The following SHROOM3 variants were observed in gnomAD, a reference collection of about 807,000 sequenced individuals.
The protein encoded by SHROOM3 is shroom family member 3.
A neutral mutation model predicts 138.6 loss-of-function variants in SHROOM3; 47 were observed. The observed-to-expected ratio is 0.34, with a 90% CI of 0.27 to 0.43. The LOEUF is 0.43. Ranked by LOEUF, SHROOM3 falls within the 20% of genes least tolerant of loss-of-function variation. The pLI, the probability that SHROOM3 is intolerant of heterozygous loss-of-function variation, is 1.00. For missense variants in SHROOM3, 2,491 were observed against 2,596.5 expected, an observed-to-expected ratio of 0.96 and a Z score of 0.88; for synonymous variants, 1,062 against 1,063.3, an observed-to-expected ratio of 1.00 and a Z score of 0.02.
In SHROOM3 at chr4:76,711,160, G is replaced by C. The variant is rs571074607; in HGVS notation, c.455+873G>C. 5.3e-4 allele frequency among the ~76,000 whole-genome samples: 81 copies of C among 152,238 alleles called. 2 individuals carry two copies. The South Asian group carries it at 0.016, about 29-fold the overall frequency. Reference sequence around the variant, plus strand: ...TAGTATGATACGGGGAGTAAGATGGGGTTTGTGCAGTGTCAGACTACCTAA... The same window carrying C: ...TAGTATGATACGGGGAGTAAGATGGCGTTTGTGCAGTGTCAGACTACCTAA... On this transcript the variant is annotated intron_variant, in intron 3 of 10. Transcript: ENST00000296043.
At chr4:76,441,267 G>GTCTCTAC (rs1730673265) in intron 1 of SHROOM3, among the ~76,000 whole-genome samples, 2 of 151,720 alleles carry the variant, frequency 1.3e-5, no homozygotes, top group African/African-American at 2.4e-5. Flanking sequence ...CTAATTTTTT[G>GTCTCTAC]TATTTTTAGT....
At chr4:76,657,733 C>T (rs907288494) in intron 2 of SHROOM3, among the ~76,000 whole-genome samples, 1 of 152,192 alleles carries the variant, frequency 6.6e-6, no homozygotes, top group Non-Finnish European at 1.5e-5. Flanking sequence ...CTTCTCTGCT[C>T]TGTGACTGTT....
At chr4:76,651,305 A>C (rs933521354) in intron 2 of SHROOM3, among the ~76,000 whole-genome samples, 2 of 151,098 alleles carry the variant, frequency 1.3e-5, no homozygotes, top group African/African-American at 4.9e-5. Flanking sequence ...TTTGTAATTC[A>C]AAGGAAAGAT....
intron 1 of SHROOM3, among the ~76,000 whole-genome samples, chr4:76,485,574 T>C (rs1731712403): frequency 6.6e-6 from 1 of 152,152 alleles, no homozygotes; most frequent in Non-Finnish European, 1.5e-5. Flanking sequence ...GAGGGTGAAG[T>C]TAGCTTTGGC....
At chr4:76,589,371 G>T (rs1734216190) in intron 2 of SHROOM3, among the ~76,000 whole-genome samples, 1 of 152,080 alleles carries the variant, frequency 6.6e-6, no homozygotes, top group African/African-American at 2.4e-5. Flanking sequence ...GGAGGCTGAG[G>T]CAGGAGAATC....
Position 76,739,091 on chromosome 4 carries a change from T to C in SHROOM3, c.918T>C (p.Tyr306=), listed in dbSNP as rs201586601. The C allele has an allele frequency of 1.2e-6, 2 of 1,614,230 alleles. No individual in the cohort carries two copies. The highest frequency in any genetic ancestry group is 1.7e-6 in the Non-Finnish European group (2 of 1,180,040). ...LEGMRQADIR[Y]VKTVYDTRRG... ...GGATGAGGCAGGCAGATATTCGCTA[T>C]GTCAAGACAGTCTATGACACCCGGA... Residue 306 remains tyrosine, a synonymous_variant, in exon 5 of 11, where the codon TAT becomes TAC. Coordinates refer to ENST00000296043, the MANE Select transcript of SHROOM3 (RefSeq NM_020859.4).
intron 1 of SHROOM3, among the ~76,000 whole-genome samples, chr4:76,480,554 C>A (rs1221077862): frequency 2.0e-5 from 3 of 152,078 alleles, no homozygotes. Flanking sequence ...CTTTAACACC[C>A]CACTGTCAAT....
chr4:76,708,027 G>A (rs1385747475), intron 2 of SHROOM3, among the ~76,000 whole-genome samples: 1 of 152,060 alleles, frequency 6.6e-6, no homozygotes, highest in African/African-American at 2.4e-5. Context: ...AGGTTAGCCT[G>A]GAGGTTGCAA....
intron 9 of SHROOM3, among the ~76,000 whole-genome samples, chr4:76,763,922 T>C (rs892129247): frequency 2.6e-5 from 4 of 152,210 alleles, no homozygotes; most frequent in Admixed American, 2.0e-4. Flanking sequence ...TTTCTAATGA[T>C]GGTTTAGAAA....
At position 76,741,232 on chromosome 4, in the gene SHROOM3, A is replaced by G; in HGVS notation, c.3059A>G (p.Tyr1020Cys). The change falls in exon 5 of 11, where the codon TAC (tyrosine) becomes TGC (cysteine). Residue 1020 changes from tyrosine (Y) to cysteine (C), a missense_variant. Tyr to Cys is a radical substitution (Grantham distance 194). Coordinates refer to ENST00000296043, the MANE Select transcript of SHROOM3 (RefSeq NM_020859.4). This position sits in a 1 kb window ranked among gnomAD's most constrained non-coding sequence, Gnocchi z 6.2. Reference sequence around the variant, plus strand: ...ACTCCCGAGCAGAAGAAGCGCTCCTACTCGGAGCCCGAGAAGATGAACGAG... The same window carrying G: ...ACTCCCGAGCAGAAGAAGCGCTCCTGCTCGGAGCCCGAGAAGATGAACGAG... ...RLTPEQKKRS[Y>C]SEPEKMNEVG... is the part of the protein sequence containing the mutation. 1 of 1,610,946 alleles carries G rather than the reference A, an allele frequency of 6.2e-7. No homozygotes were observed. Among genetic ancestry groups the G allele is most frequent in the Non-Finnish European group, 8.5e-7 (1 of 1,179,254 alleles).
intron 8 of SHROOM3, among the ~76,000 whole-genome samples, chr4:76,759,281 C>T (rs1721918748): frequency 6.6e-6 from 1 of 152,194 alleles, no homozygotes. Flanking sequence ...ATGTCTTCTC[C>T]AGAGTCAGCT....
chr4:76,438,132 A>G (rs963191191), intron 1 of SHROOM3, among the ~76,000 whole-genome samples: 2 of 152,232 alleles, frequency 1.3e-5, no homozygotes, highest in Non-Finnish European at 2.9e-5. Context: ...GCTGCTGTAA[A>G]AAGATCCAAA....
intron 6 of SHROOM3, among the ~76,000 whole-genome samples, chr4:76,753,684 T>A (rs1721706008): frequency 6.6e-6 from 1 of 152,234 alleles, no homozygotes; most frequent in African/African-American, 2.4e-5. Context: ...AATCACCATG[T>A]ACTATATTTG....
intron 2 of SHROOM3, among the ~76,000 whole-genome samples, chr4:76,668,288 C>T (rs757192153): frequency 3.7e-4 from 57 of 152,120 alleles, no homozygotes; most frequent in Non-Finnish European, 6.9e-4. Context: ...ATGTCGGGCG[C>T]GGTGGCTCAC....
intron 2 of SHROOM3, among the ~76,000 whole-genome samples, chr4:76,646,383 C>T (rs920297250): frequency 1.3e-5 from 2 of 151,768 alleles, no homozygotes; most frequent in African/African-American, 2.4e-5. Flanking sequence ...TTATACTTTA[C>T]CACCTTCCAA....
chr4:76,511,703 A>G (rs778640433), intron 1 of SHROOM3, among the ~76,000 whole-genome samples: 1 of 152,224 alleles, frequency 6.6e-6, no homozygotes, highest in Non-Finnish European at 1.5e-5. Flanking sequence ...AATTTCAAAT[A>G]AAACACCCAT....
intron 1 of SHROOM3, among the ~76,000 whole-genome samples, chr4:76,463,825 T>A (rs1731191578): frequency 6.6e-6 from 1 of 152,176 alleles, no homozygotes; most frequent in African/African-American, 2.4e-5. Context: ...TTCTACATGG[T>A]GTTTGGCCTG....
At chr4:76,579,127 C>T (rs904132870) in intron 2 of SHROOM3, among the ~76,000 whole-genome samples, 1 of 152,096 alleles carries the variant, frequency 6.6e-6, no homozygotes, top group Non-Finnish European at 1.5e-5. Context: ...ATGCATGAGT[C>T]GAGGTTGTGC....
rs889643632 is a variant in SHROOM3 at position 76,739,439 on chromosome 4, C to T, written c.1266C>T (p.Ser422=). The change falls in exon 5 of 11, where the codon TCC becomes TCT. Residue 422 remains serine (S), a synonymous_variant. Transcript: ENST00000296043. ...GGCCTCAGGCAAACTCTTTAGGCTC[C>T]CTGAAGTCTCCATTCATAGAGGAGC... ...LCRPQANSLG[S]LKSPFIEEQL... is the part of the protein sequence containing the mutation. 2 of 1,614,030 alleles carry T rather than the reference C, an allele frequency of 1.2e-6. No homozygotes were observed. The highest frequency in any genetic ancestry group is 1.7e-6 in the Non-Finnish European group (2 of 1,180,038).
Sources: allele counts gnomAD v4.1 joint callset (sites outside exome capture counted in the v4.1 genomes callset), GRCh38; gene constraint gnomAD v4.1.1; non-coding constraint Gnocchi (gnomAD v3.1); transcripts MANE v1.5; gene names NCBI Gene and HGNC (gene_info 2026-07-23, HGNC 2026-07-21).